Variants in TTC28 observed in about 807,000 individuals in gnomAD.
TTC28 encodes the protein tetratricopeptide repeat domain 28.
In TTC28, 61 loss-of-function variants were observed where a neutral mutation model predicts 198.0. The observed-to-expected ratio is 0.31, with a 90% CI of 0.25 to 0.38. The LOEUF is 0.38. Ranked by LOEUF, TTC28 falls within the 10% of genes least tolerant of loss-of-function variation. The pLI is 1.00. For missense variants in TTC28, 2,678 were observed against 3,164.0 expected (o/e 0.85, Z 3.69); for synonymous variants, 1,171 against 1,297.8 (o/e 0.90, Z 2.10).
chr22:28,386,345 C>T (rs2046594221), intron 2 of TTC28, among the ~76,000 whole-genome samples: 1 of 144,692 alleles, frequency 6.9e-6, no homozygotes, highest in Admixed American at 6.9e-5. Context: ...ATATTCATCT[C>T]TTCTCCAATA....
In TTC28 at chr22:28,081,822, A is replaced by T. The variant is rs1941374597; in HGVS notation, c.3932+12258T>A. ...TAGGATTTTGCTAGGGATTACACTG[A>T]ATCTGTAGATCACTTTGGATAGTAT... On this transcript the variant is annotated intron_variant, in intron 12 of 22. Transcript: ENST00000397906. Among the ~76,000 whole-genome samples the T allele has an allele frequency of 2.6e-5, 4 of 152,296 alleles. No individual in the cohort carries two copies. In the South Asian group the frequency reaches 8.3e-4, roughly 32 times the overall value.
chr22:27,985,512 T>C (rs571197441), intron 21 of TTC28, among the ~76,000 whole-genome samples, 156 bp from the exon 22 acceptor site: 275 of 152,258 alleles, frequency 1.8e-3, no homozygotes, highest in Middle Eastern at 3.4e-3. Flanking sequence ...TGCACAGAGG[T>C]TGGTCATGTG....
intron 2 of TTC28, among the ~76,000 whole-genome samples, chr22:28,554,589 G>A (rs2049757612): frequency 6.6e-6 from 1 of 152,142 alleles, no homozygotes; most frequent in African/African-American, 2.4e-5. Context: ...AATCAGCAGA[G>A]GTCTGGCACA....
intron 5 of TTC28, among the ~76,000 whole-genome samples, chr22:28,283,159 C>A (rs2044616585): frequency 6.6e-6 from 1 of 152,124 alleles, no homozygotes; most frequent in Admixed American, 6.5e-5. Flanking sequence ...TCCCAAAAGC[C>A]TGTAAGATAC....
rs538781950 is a variant in TTC28 at position 28,024,944 on chromosome 22, C to T, written c.4073+5282G>A. 2.6e-5 allele frequency among the ~76,000 whole-genome samples: 4 copies of T among 152,316 alleles called. No individual in the cohort carries two copies. In the South Asian group the frequency reaches 8.3e-4, roughly 32 times the overall value. Reference sequence around the variant, plus strand: ...GGAGGTCAGAGATGGAGAGAACACTCAGCTCCTTATTGGGGCCAGAAGCCA... The same window carrying T: ...GGAGGTCAGAGATGGAGAGAACACTTAGCTCCTTATTGGGGCCAGAAGCCA... On this transcript the variant is annotated intron_variant, in intron 13 of 22. Transcript: ENST00000397906.
At position 28,107,155 on chromosome 22, in the gene TTC28, A is replaced by T; in HGVS notation, c.2690T>A (p.Ile897Asn). ...YEALGDYEEA[I>N]KYYEQYLSVA... ...AGATAAATATTGTTCATAGTATTTGATAGCTTCCTCATAGTCACCCAGGGC... is the reference window on the plus strand; with the variant it reads ...AGATAAATATTGTTCATAGTATTTGTTAGCTTCCTCATAGTCACCCAGGGC... Residue 897 changes from isoleucine to asparagine, a missense_variant, in exon 7 of 23, where the codon ATC becomes AAC. Transcript: ENST00000397906. The T allele has an allele frequency of 6.4e-7, 1 of 1,551,750 alleles. No individual in the cohort carries two copies. The highest frequency in any genetic ancestry group is 8.7e-7 in the Non-Finnish European group (1 of 1,147,008).
rs1040865709 is a variant in TTC28 at position 28,163,455 on chromosome 22, T to C, written c.1078A>G (p.Met360Val). 6 of 1,551,594 alleles carry C rather than the reference T, an allele frequency of 3.9e-6. No individual in the cohort carries two copies. The highest frequency in any genetic ancestry group is 5.2e-6 in the Non-Finnish European group (6 of 1,146,982). The change falls in exon 6 of 23, where the codon ATG becomes GTG. Residue 360 changes from methionine to valine, a missense_variant. This residue lies in a region of TTC28 where 775 missense variants were observed against 845.9 expected (regional missense o/e 0.92). Coordinates refer to ENST00000397906, the MANE Select transcript of TTC28 (RefSeq NM_001145418.2). ...CCCATGGCAATATACACAGCTCCCA[T>C]GTTGCCAAGTTCTCGGGCTTCAGAA... The part of the protein sequence containing the change: ...ELSEARELGN[M>V]GAVYIAMGDF...
At chr22:28,071,574 G>A (rs1940968926) in intron 12 of TTC28, among the ~76,000 whole-genome samples, 1 of 145,134 alleles carries the variant, frequency 6.9e-6, no homozygotes, top group Non-Finnish European at 1.5e-5. Flanking sequence ...ACACTCTGGG[G>A]ACTGTGGTGG....
intron 6 of TTC28, among the ~76,000 whole-genome samples, chr22:28,111,010 A>G (rs975753770): frequency 6.6e-6 from 1 of 152,112 alleles, no homozygotes; most frequent in African/African-American, 2.4e-5. Flanking sequence ...ATATGATCCC[A>G]AAACAGTACA....
chr22:28,228,150 C>G (rs530349262), intron 5 of TTC28, among the ~76,000 whole-genome samples: 7 of 151,510 alleles, frequency 4.6e-5, no homozygotes, highest in African/African-American at 1.7e-4. Context: ...ATACGAGATA[C>G]CTAGAGTAAA....
intron 2 of TTC28, among the ~76,000 whole-genome samples, chr22:28,310,042 A>G (rs1353981749): frequency 6.6e-6 from 1 of 152,062 alleles, no homozygotes; most frequent in Non-Finnish European, 1.5e-5. Flanking sequence ...CAAATCATAT[A>G]AAGATAACTG....
intron 2 of TTC28, among the ~76,000 whole-genome samples, chr22:28,446,313 AT>A (rs2146242431): frequency 1.3e-5 from 2 of 152,314 alleles, no homozygotes; most frequent in African/African-American, 4.8e-5. Flanking sequence ...AATAAATTCC[AT>A]TCCATTCCAT....
chr22:28,595,157 T>C (rs758873268), intron 2 of TTC28, among the ~76,000 whole-genome samples: 1 of 152,210 alleles, frequency 6.6e-6, no homozygotes, highest in Non-Finnish European at 1.5e-5. Flanking sequence ...GTTAATATGA[T>C]TGAGGACATC....
At chr22:28,059,628 T>C (rs985846230) in intron 12 of TTC28, among the ~76,000 whole-genome samples, 3 of 152,042 alleles carry the variant, frequency 2.0e-5, no homozygotes, top group African/African-American at 7.2e-5. Context: ...CTATTATTTA[T>C]CAATACAGAG....
At chr22:28,163,873 G>T (rs1921550837) in intron 5 of TTC28, among the ~76,000 whole-genome samples, 1 of 152,192 alleles carries the variant, frequency 6.6e-6, no homozygotes, top group Non-Finnish European at 1.5e-5. Context: ...AGCACAAGGG[G>T]TCAAGGAATT....
chr22:28,337,979 C>T (rs1282818311), intron 2 of TTC28, among the ~76,000 whole-genome samples: 24 of 152,064 alleles, frequency 1.6e-4, no homozygotes, highest in Non-Finnish European at 2.9e-4. Context: ...TGGCTGGTAC[C>T]GGTTGTTCCT....
Position 28,577,229 on chromosome 22 carries a change from CA to C in TTC28, c.381+52322del, listed in dbSNP as rs141342556. The stretch of plus-strand genomic sequence containing the variant: ...TTTCTTTCTTAATTTTTTATTGACC[CA>C]CTGGTCATTCAGGAACACAGTATTT... On this transcript the variant is annotated intron_variant, in intron 2 of 22. Transcript: ENST00000397906. Among the ~76,000 whole-genome samples the C allele has an allele frequency of 7.6e-3, 1,150 of 152,086 alleles. 31 individuals carry two copies. The East Asian group carries it at 0.082, about 11-fold the overall frequency.
rs145711975 is a variant in TTC28 at position 28,315,089 on chromosome 22, A to G, written c.382-8446T>C. Among the ~76,000 whole-genome samples the G allele has an allele frequency of 5.3e-5, 8 of 152,308 alleles. No homozygotes were observed. In the East Asian group the frequency reaches 1.2e-3, roughly 22 times the overall value. On this transcript the variant is annotated intron_variant, in intron 2 of 22. Coordinates refer to ENST00000397906, the MANE Select transcript of TTC28 (RefSeq NM_001145418.2). The stretch of plus-strand genomic sequence containing the variant: ...TATAGGTAGTCCCCAGACAAGTTAG[A>G]TCAGATAAACACAATCATTTGAAGA...
chr22:28,240,026 A>G (rs1360201227), intron 5 of TTC28, among the ~76,000 whole-genome samples: 1 of 152,206 alleles, frequency 6.6e-6, no homozygotes, highest in Non-Finnish European at 1.5e-5. Context: ...AGCATCCCTG[A>G]CCTCTGTCCA....
Sources: gnomAD v4.1 joint callset for allele counts (sites outside exome capture counted in the v4.1 genomes callset) on GRCh38, gnomAD v4.1.1 for gene constraint, gnomAD v4.1.1 regional missense constraint, MANE v1.5 for transcripts, NCBI Gene and HGNC (gene_info 2026-07-23, HGNC 2026-07-21) for gene names.